The following CHGB variants were observed in gnomAD, a reference collection of about 807,000 sequenced individuals.
The protein encoded by CHGB is secretogranin-1.
In CHGB, 46 loss-of-function variants were observed where a neutral mutation model predicts 69.9. That is an observed-to-expected ratio of 0.66 (90% CI 0.52 to 0.84). The LOEUF is 0.84. CHGB is among the 40% of genes least tolerant of loss of function. CHGB has a pLI of 0.00. For missense variants in CHGB, 796 were observed against 822.2 expected, an observed-to-expected ratio of 0.97 and a Z score of 0.39; for synonymous variants, 312 against 298.2, an observed-to-expected ratio of 1.05 and a Z score of -0.48.
chr20:5,911,600 C>A lies in CHGB; in HGVS notation c.-34C>A. ...CTCGCTTCTCCGGTCCAGCCGCCATCTTCCTTTCCGCACAGGGGCCGCCGA... is the reference window on the plus strand; with the variant it reads ...CTCGCTTCTCCGGTCCAGCCGCCATATTCCTTTCCGCACAGGGGCCGCCGA... On this transcript the variant is annotated 5_prime_UTR_variant, in exon 1 of 5. Transcript: ENST00000378961. The A allele has an allele frequency of 6.6e-7, 1 of 1,519,748 alleles. No homozygotes were observed. Among genetic ancestry groups the A allele is most frequent in the Non-Finnish European group, 8.8e-7 (1 of 1,139,280 alleles). The allele number at this position is 1,519,748 out of a possible 1,614,324, so 94.1% of individuals were successfully genotyped here.
intron 1 of CHGB, 54 bp from the exon 2 acceptor site, chr20:5,916,272 C>T: frequency 6.8e-7 from 1 of 1,466,732 alleles, no homozygotes; most frequent in Non-Finnish European, 9.5e-7. Context: ...GTTGGGGTCA[C>T]ACAGCTTTCA....
Position 5,925,188 on chromosome 20 carries a change from A to G in CHGB, c.*139A>G. 1.8e-6 allele frequency: 1 copy of G among 541,798 alleles called. No homozygotes were observed. Among genetic ancestry groups the G allele is most frequent in the Non-Finnish European group, 3.3e-6 (1 of 306,346 alleles). The allele number at this position is 541,798 out of a possible 1,614,324, so 33.6% of individuals were successfully genotyped here. On this transcript the variant is annotated 3_prime_UTR_variant, in exon 5 of 5. Transcript: ENST00000378961. ...TTCATTAAATGTTTGACACAATTGG[A>G]ATTGTCTTTAATTTCTGTCAGAATG... is the stretch of plus-strand genomic sequence containing the variant.
Position 5,923,731 on chromosome 20 carries a change from C to T in CHGB, c.1587C>T (p.Leu529=), listed in dbSNP as rs781658643. The T allele has an allele frequency of 4.3e-6, 7 of 1,613,990 alleles. No individual in the cohort carries two copies. The East Asian group carries it at 1.3e-4, about 31-fold the overall frequency. ...GELFNPYYDP[L]QWKSSHFERR... The stretch of plus-strand genomic sequence containing the variant: ...TGTTCAACCCATACTACGACCCTCT[C>T]CAGTGGAAGAGCAGCCATTTTGAAA... Residue 529 remains leucine, a synonymous_variant, in exon 4 of 5, where the codon CTC becomes CTT. Transcript: ENST00000378961.
rs775494246 is a variant in CHGB at position 5,916,814 on chromosome 20, GT to G, written c.97-9del. The G allele has an allele frequency of 6.2e-7, 1 of 1,614,000 alleles. No homozygotes were observed. The highest frequency in any genetic ancestry group is 1.7e-5 in the Admixed American group (1 of 60,022). On this transcript the variant is annotated splice_polypyrimidine_tract_variant and intron_variant, in intron 2 of 4. Coordinates refer to ENST00000378961, the MANE Select transcript of CHGB (RefSeq NM_001819.3). Reference sequence around the variant, plus strand: ...ACCAGCTTCTCCAACCTGCTTTCGGGTTTCCCCCCAGGTGACTCGCTGCATC... The same window carrying G: ...ACCAGCTTCTCCAACCTGCTTTCGGGTTCCCCCCAGGTGACTCGCTGCATC...
chr20:5,921,140 A>G (rs1229642801), intron 3 of CHGB, among the ~76,000 whole-genome samples: 1 of 152,186 alleles, frequency 6.6e-6, no homozygotes, highest in Non-Finnish European at 1.5e-5. Context: ...ATATAATTTT[A>G]TAAATCTGAT....
chr20:5,922,251 A>G, intron 3 of CHGB, 84 bp from the exon 4 acceptor site: 2 of 1,424,758 alleles, frequency 1.4e-6, no homozygotes, highest in Non-Finnish European at 9.2e-7. Flanking sequence ...CAGTGTCATC[A>G]GGATTTGTAG....
rs561425587 is a variant in CHGB, at chr20:5,922,685, G to A, written c.541G>A (p.Asp181Asn). 1.2e-6 allele frequency: 2 copies of A among 1,613,992 alleles called. No individual in the cohort carries two copies. The highest frequency in any genetic ancestry group is 2.7e-5 in the African/African-American group (2 of 75,040). ...ENYQKGERGE[D>N]SSEEKHLEEP... ...CTATCAAAAAGGGGAGCGAGGGGAA[G>A]ATAGCAGTGAAGAGAAACACCTTGA... The change falls in exon 4 of 5, where the codon GAT (aspartate) becomes AAT (asparagine). Residue 181 changes from aspartate to asparagine, a missense_variant. Coordinates refer to ENST00000378961, the MANE Select transcript of CHGB (RefSeq NM_001819.3).
chr20:5,913,628 C>CTTTTCTTTTCTTTTCT (rs1289315671), intron 1 of CHGB, among the ~76,000 whole-genome samples: 1 of 90,474 alleles, frequency 1.1e-5, no homozygotes, highest in African/African-American at 3.7e-5. Context: ...CTTTTCTTTT[C>CTTTTCTTTTCTTTTCT]TTTTTTTTTT....
Position 5,916,970 on chromosome 20 carries a change from T to C in CHGB, c.190+51T>C, listed in dbSNP as rs775673620. On this transcript the variant is annotated intron_variant, in intron 3 of 4. Transcript: ENST00000378961. Reference sequence around the variant, plus strand: ...TCTTGGTCACTGCAGTGATCCTTGTTCCTACTCCCTCCACATCACCTTCTA... The same window carrying C: ...TCTTGGTCACTGCAGTGATCCTTGTCCCTACTCCCTCCACATCACCTTCTA... 4 of 1,485,106 alleles carry C rather than the reference T, an allele frequency of 2.7e-6. No individual in the cohort carries two copies. The East Asian group carries it at 9.0e-5, about 34-fold the overall frequency. The allele number at this position is 1,485,106 out of a possible 1,614,324, so 92.0% of individuals were successfully genotyped here.
chr20:5,922,766 A>AT lies in CHGB; in HGVS notation c.623dup (p.Glu211ArgfsTer21). On this transcript the variant is annotated frameshift_variant, in exon 4 of 5. Transcript: ENST00000378961. LOFTEE classifies it high-confidence loss of function. ...CAATGAAAGAAAGCAGGCTTCAGCT[A>AT]TAAAAAAAGAGGAGTTAGTGGCCAG... 6.2e-7 allele frequency: 1 copy of AT among 1,614,178 alleles called. No individual in the cohort carries two copies. The highest frequency in any genetic ancestry group is 8.5e-7 in the Non-Finnish European group (1 of 1,180,028).
At position 5,923,311 on chromosome 20, in the gene CHGB, C is replaced by G; in HGVS notation, c.1167C>G (p.Tyr389Ter). ...GGGATGAGGAGGACAAGAGAAACTA[C>G]CCCAGCTTAGAGCTTGATAAGATGG... ...ESWDEEDKRN[Y>*]PSLELDKMAH... Residue 389 changes from tyrosine to a stop codon, truncating the protein, a stop_gained, in exon 4 of 5, where the codon TAC (tyrosine) becomes TAG (stop). Coordinates refer to ENST00000378961, the MANE Select transcript of CHGB (RefSeq NM_001819.3). LOFTEE classifies it high-confidence loss of function. The G allele has an allele frequency of 6.2e-7, 1 of 1,613,580 alleles. No individual in the cohort carries two copies. The highest frequency in any genetic ancestry group is 8.5e-7 in the Non-Finnish European group (1 of 1,180,000).
intron 1 of CHGB, 63 bp from the exon 2 acceptor site, chr20:5,916,263 T>C (rs1568549763): frequency 1.5e-6 from 2 of 1,303,680 alleles, no homozygotes; most frequent in East Asian, 2.3e-5. Flanking sequence ...ATTTTGTCAG[T>C]TGGGGTCACA....
rs1404841467 is a variant in CHGB, at chr20:5,923,714, C to T, written c.1570C>T (p.Pro524Ser). 1 of 1,614,104 alleles carries T rather than the reference C, an allele frequency of 6.2e-7. No individual in the cohort carries two copies. The highest frequency in any genetic ancestry group is 2.2e-5 in the East Asian group (1 of 44,880). ...GAAGAGATTAGGGGAACTGTTCAAC[C>T]CATACTACGACCCTCTCCAGTGGAA... ...KRKRLGELFN[P>S]YYDPLQWKSS... is the part of the protein sequence containing the mutation. The change falls in exon 4 of 5, where the codon CCA (proline) becomes TCA (serine). Residue 524 changes from proline to serine, a missense_variant. Around this residue, in one of 3 missense-constraint regions of CHGB, gnomAD observed 274 missense variants for 298.9 expected, o/e 0.92. Transcript: ENST00000378961.
rs765715328 is a variant in CHGB at position 5,923,015 on chromosome 20, G to A, written c.871G>A (p.Asp291Asn). The A allele has an allele frequency of 3.7e-6, 6 of 1,611,984 alleles. No homozygotes were observed. Among genetic ancestry groups the A allele is most frequent in the South Asian group, 3.3e-5 (3 of 90,886 alleles). ...PRHHHGRSRPDRSSQGGSLPS... is the reference protein window; with the variant it reads ...PRHHHGRSRPNRSSQGGSLPS... ...ACACCACCACGGGAGGAGCAGGCCC[G>A]ACAGGTCCTCTCAAGGAGGGAGTCT... is the stretch of plus-strand genomic sequence containing the variant. The change falls in exon 4 of 5, where the codon GAC becomes AAC. Residue 291 changes from aspartate to asparagine, a missense_variant. Transcript: ENST00000378961.
chr20:5,924,535 G>A (rs1279809738), intron 4 of CHGB, among the ~76,000 whole-genome samples: 1 of 152,194 alleles, frequency 6.6e-6, no homozygotes, highest in Non-Finnish European at 1.5e-5. Context: ...AGGGAGAATA[G>A]GTGATAGAGA....
In CHGB at chr20:5,921,623, A is replaced by G. The variant is rs2088514495; in HGVS notation, c.191-712A>G. Among the ~76,000 whole-genome samples, 5 of 152,204 alleles carry G rather than the reference A, an allele frequency of 3.3e-5. No homozygotes were observed. The South Asian group carries it at 1.0e-3, about 31-fold the overall frequency. ...CACTGTGCTGAAGTCTGTCCCCAACATCTGAGAACATGTTGGGTGGATGGA... is the reference window on the plus strand; with the variant it reads ...CACTGTGCTGAAGTCTGTCCCCAACGTCTGAGAACATGTTGGGTGGATGGA... On this transcript the variant is annotated intron_variant, in intron 3 of 4. Transcript: ENST00000378961.
At chr20:5,916,104 T>G in intron 1 of CHGB, 4 of 573,552 alleles carry the variant, frequency 7.0e-6, no homozygotes, top group Non-Finnish European at 6.2e-6. Flanking sequence ...TAACCAGCAC[T>G]GAGATTAAAA....
At position 5,922,381 on chromosome 20, in the gene CHGB, A is replaced by G. The variant is rs199738388; in HGVS notation, c.237A>G (p.Thr79=). The G allele has an allele frequency of 5.1e-6, 8 of 1,571,806 alleles. No individual in the cohort carries two copies. The African/African-American group carries it at 8.2e-5, about 16-fold the overall frequency. ...AAGAGACAACTGAAAATGAAAACAC[A>G]AAGTTTGAAGTAAGATTGTTAAGAG... The part of the protein sequence containing the change: ...KDKETTENEN[T]KFEVRLLRDP... Residue 79 remains threonine (T), a synonymous_variant, in exon 4 of 5, where the codon ACA becomes ACG. Transcript: ENST00000378961.
At position 5,923,556 on chromosome 20, in the gene CHGB, A is replaced by G; in HGVS notation, c.1412A>G (p.Tyr471Cys). Residue 471 changes from tyrosine (Y) to cysteine (C), a missense_variant, in exon 4 of 5, where the codon TAT (tyrosine) becomes TGT (cysteine). By Grantham distance (194) the Tyr-to-Cys change is radical. This residue lies in a region of CHGB where 274 missense variants were observed against 298.9 expected (regional missense o/e 0.92). Transcript: ENST00000378961. Reference protein sequence around the residue: ...QGAWKELDRNYLNYGEEGAPG... With the variant: ...QGAWKELDRNCLNYGEEGAPG... The stretch of plus-strand genomic sequence containing the variant: ...GCGTGGAAAGAGCTGGACAGAAATT[A>G]TCTCAACTACGGTGAGGAAGGAGCC... 1 of 1,614,192 alleles carries G rather than the reference A, an allele frequency of 6.2e-7. No individual in the cohort carries two copies. Among genetic ancestry groups the G allele is most frequent in the South Asian group, 1.1e-5 (1 of 91,082 alleles).
Sources: allele counts gnomAD v4.1 joint callset (sites outside exome capture counted in the v4.1 genomes callset), GRCh38; gene constraint gnomAD v4.1.1; regional missense constraint gnomAD v4.1.1; transcripts MANE v1.5; gene names NCBI Gene and HGNC (gene_info 2026-07-23, HGNC 2026-07-21).